Variants in ATG5 observed in about 807,000 individuals in gnomAD.
ATG5 encodes autophagy related 5.
Under a neutral mutation model 36.5 loss-of-function variants are expected in ATG5, and 14 were observed. The observed-to-expected ratio is 0.38, with a 90% CI of 0.25 to 0.60. The LOEUF is 0.60. ATG5 is among the 20% of genes least tolerant of loss of function. ATG5 has a pLI of 0.60. For synonymous variants in ATG5, 95 were observed against 101.5 expected, an observed-to-expected ratio of 0.94 and a Z score of 0.38; for missense variants, 195 against 326.7, an observed-to-expected ratio of 0.60 and a Z score of 3.11.
chr6:106,241,780 GCAA>G (rs1276194903), intron 6 of ATG5, among the ~76,000 whole-genome samples: 2 of 152,116 alleles, frequency 1.3e-5, no homozygotes, highest in African/African-American at 4.8e-5. Context: ...GGACTCAACT[GCAA>G]CTCTTCCTTG....
chr6:106,222,781 A>G lies in ATG5; in HGVS notation c.574-20692T>C, dbSNP rs950653319. The stretch of plus-strand genomic sequence containing the variant: ...AACCCTGAGCAAGTTTCAATGACCA[A>G]TCTTTTTCTCAATTACCTCAGGTAT... On this transcript the variant is annotated intron_variant, in intron 6 of 7. Transcript: ENST00000369076. 3.3e-5 allele frequency among the ~76,000 whole-genome samples: 5 copies of G among 152,198 alleles called. No homozygotes were observed. The East Asian group carries it at 5.8e-4, about 18-fold the overall frequency.
At chr6:106,189,515 G>A (rs1321866787) in intron 7 of ATG5, among the ~76,000 whole-genome samples, 1 of 152,032 alleles carries the variant, frequency 6.6e-6, no homozygotes, top group African/African-American at 2.4e-5. Context: ...CAGCTACTTG[G>A]GAGGCTGAGG....
chr6:106,297,717 A>AACACAC (rs56336702), intron 3 of ATG5, among the ~76,000 whole-genome samples: 4,393 of 135,382 alleles, frequency 0.032, 83 homozygotes, highest in Middle Eastern at 0.055. Context: ...AAATGACTTA[A>AACACAC]ACACACACAC....
At chr6:106,189,151 C>T (rs563546614) in intron 7 of ATG5, among the ~76,000 whole-genome samples, 15 of 152,238 alleles carry the variant, frequency 9.9e-5, no homozygotes, top group Non-Finnish European at 5.9e-5. Flanking sequence ...ATAGCTAGCC[C>T]TACCATGGAG....
At chr6:106,235,477 G>C (rs576537481) in intron 6 of ATG5, among the ~76,000 whole-genome samples, 1 of 150,706 alleles carries the variant, frequency 6.6e-6, no homozygotes, top group Non-Finnish European at 1.5e-5. Context: ...CCTGTTGAGT[G>C]GGGGGACTGA....
intron 3 of ATG5, among the ~76,000 whole-genome samples, chr6:106,300,786 C>T (rs904021924): frequency 7.2e-5 from 11 of 152,008 alleles, no homozygotes; most frequent in Non-Finnish European, 1.2e-4. Flanking sequence ...ATCCTAAATG[C>T]GGTCCATCAT....
At chr6:106,228,905 T>A (rs1777552778) in intron 6 of ATG5, among the ~76,000 whole-genome samples, 1 of 152,194 alleles carries the variant, frequency 6.6e-6, no homozygotes, top group South Asian at 2.1e-4. Flanking sequence ...CCACTTTCAA[T>A]TTTCCTGGGG....
At chr6:106,301,914 G>A (rs555652822) in intron 3 of ATG5, among the ~76,000 whole-genome samples, 14 of 152,094 alleles carry the variant, frequency 9.2e-5, no homozygotes, top group African/African-American at 2.4e-4. Context: ...GATACAAAAA[G>A]GTCAAATAAC....
At chr6:106,209,782 A>C (rs1000140385) in intron 6 of ATG5, among the ~76,000 whole-genome samples, 3 of 152,186 alleles carry the variant, frequency 2.0e-5, no homozygotes, top group Admixed American at 2.0e-4. Context: ...AACTAGATGA[A>C]GGGTATGTAG....
chr6:106,316,064 G>A (rs1296994663), intron 2 of ATG5, 37 bp downstream of exon 2: 2 of 1,520,052 alleles, frequency 1.3e-6, no homozygotes, highest in African/African-American at 1.4e-5. Flanking sequence ...AAATGGACAA[G>A]GTTAAATATC....
At chr6:106,247,980 A>T in intron 6 of ATG5, among the ~76,000 whole-genome samples, 170 bp downstream of exon 6, 1 of 152,222 alleles carries the variant, frequency 6.6e-6, no homozygotes, top group East Asian at 1.9e-4. Flanking sequence ...ATATGAGTCA[A>T]ATATTTCAGT....
At chr6:106,216,077 A>C (rs565825587) in intron 6 of ATG5, among the ~76,000 whole-genome samples, 1 of 152,296 alleles carries the variant, frequency 6.6e-6, no homozygotes, top group Non-Finnish European at 1.5e-5. Context: ...AGACTGCTGT[A>C]ATTAAAACTA....
chr6:106,201,816 A>G (rs945113445), intron 7 of ATG5, 156 bp downstream of exon 7: 4 of 436,238 alleles, frequency 9.2e-6, no homozygotes, highest in African/African-American at 6.1e-5. Flanking sequence ...ACAAAATAAT[A>G]TATTAAATAT....
intron 5 of ATG5, among the ~76,000 whole-genome samples, chr6:106,267,653 T>C (rs1172838919): frequency 6.6e-6 from 1 of 152,028 alleles, no homozygotes; most frequent in Non-Finnish European, 1.5e-5. Context: ...TATAGACCAA[T>C]GGAACAGAAC....
At chr6:106,221,460 C>T (rs1315702646) in intron 6 of ATG5, among the ~76,000 whole-genome samples, 1 of 151,902 alleles carries the variant, frequency 6.6e-6, no homozygotes, top group Non-Finnish European at 1.5e-5. Flanking sequence ...CCAAGATGGG[C>T]GGATCACTTG....
intron 7 of ATG5, among the ~76,000 whole-genome samples, chr6:106,190,167 T>C (rs773207210): frequency 6.6e-6 from 1 of 152,236 alleles, no homozygotes; most frequent in African/African-American, 2.4e-5. Context: ...ACTGTCTTAG[T>C]CTGTCTGTGA....
At chr6:106,309,775 G>A (rs1004197722) in intron 2 of ATG5, among the ~76,000 whole-genome samples, 5 of 152,184 alleles carry the variant, frequency 3.3e-5, no homozygotes, top group Admixed American at 6.5e-5. Flanking sequence ...AAACAGCGTC[G>A]CAAACTAGCT....
chr6:106,281,109 G>C (rs1219923595), intron 4 of ATG5, among the ~76,000 whole-genome samples: 2 of 152,096 alleles, frequency 1.3e-5, no homozygotes, highest in Admixed American at 1.3e-4. Flanking sequence ...AAAGAAAGAA[G>C]CTCCTGAGTG....
chr6:106,286,298 TC>T (rs1780078100), intron 4 of ATG5, among the ~76,000 whole-genome samples: 1 of 150,388 alleles, frequency 6.6e-6, no homozygotes, highest in African/African-American at 2.4e-5. Flanking sequence ...AGGCAACCGT[TC>T]CAAAGCACAT....
Sources: gnomAD v4.1 joint callset for allele counts (sites outside exome capture counted in the v4.1 genomes callset) on GRCh38, gnomAD v4.1.1 for gene constraint, MANE v1.5 for transcripts, NCBI Gene and HGNC (gene_info 2026-07-23, HGNC 2026-07-21) for gene names.